WDR72: variants seen among roughly 807,000 people sequenced by gnomAD.
WDR72 encodes the protein WD repeat-containing protein 72.
WDR72 carries 120 observed loss-of-function variants against 124.2 expected under a neutral mutation model. The observed-to-expected ratio is 0.97, with a 90% CI of 0.83 to 1.12. The LOEUF is 1.12. Ranked by LOEUF, WDR72 falls within the 50% of genes most tolerant of loss-of-function variation. The probability of loss-of-function intolerance (pLI) is 0.00; values close to 1 mark genes in which losing one functional copy is unlikely to be tolerated. For synonymous variants in WDR72, 452 were observed against 441.7 expected (o/e 1.02, Z -0.29); for missense variants, 1,387 against 1,278.8 (o/e 1.08, Z -1.29).
In WDR72 at chr15:53,517,341, A is replaced by G; in HGVS notation, c.*358T>C. The stretch of plus-strand genomic sequence containing the variant: ...TACATTGGTTTTAACATTGTTTATT[A>G]TATAATTCAGGGACTAAAAGGATAG... On this transcript the variant is annotated 3_prime_UTR_variant, in exon 20 of 20. Transcript: ENST00000360509. 1 of 284,302 alleles carries G rather than the reference A, an allele frequency of 3.5e-6. No individual in the cohort carries two copies. The highest frequency in any genetic ancestry group is 3.9e-5 in the South Asian group (1 of 25,540). The allele number at this position is 284,302 out of a possible 1,614,324, so 17.6% of individuals were successfully genotyped here. A position where few individuals can be genotyped will look rare whatever the true frequency, so the allele number is the denominator to read the frequency against.
chr15:53,671,106 T>G (rs987272249), intron 13 of WDR72, among the ~76,000 whole-genome samples: 1 of 152,234 alleles, frequency 6.6e-6, no homozygotes. Flanking sequence ...ATAGATTATA[T>G]GACATCAACA....
chr15:53,589,773 T>C (rs541059236), intron 18 of WDR72, among the ~76,000 whole-genome samples: 7 of 152,156 alleles, frequency 4.6e-5, no homozygotes, highest in African/African-American at 1.4e-4. Flanking sequence ...AAAAAGATGA[T>C]GAAATATTCC....
At chr15:53,535,175 A>C (rs1892696237) in intron 18 of WDR72, among the ~76,000 whole-genome samples, 1 of 152,190 alleles carries the variant, frequency 6.6e-6, no homozygotes, top group South Asian at 2.1e-4. Flanking sequence ...ACATAATAGA[A>C]CCATTTACAC....
At chr15:53,534,579 A>T (rs1462188818) in intron 18 of WDR72, among the ~76,000 whole-genome samples, 1 of 152,146 alleles carries the variant, frequency 6.6e-6, no homozygotes, top group East Asian at 1.9e-4. Context: ...GTTCAAGGAA[A>T]GGGTCACTCA....
chr15:53,548,114 A>G (rs12911064), intron 18 of WDR72, among the ~76,000 whole-genome samples: 73,828 of 152,018 alleles, frequency 0.49, 19,191 homozygotes, highest in Middle Eastern at 0.62. Context: ...TATAAAATCT[A>G]TCATAAAGTG....
chr15:53,667,198 C>T (rs936455331), intron 13 of WDR72, among the ~76,000 whole-genome samples: 2 of 151,830 alleles, frequency 1.3e-5, no homozygotes, highest in African/African-American at 4.8e-5. Flanking sequence ...CAAAAAAACA[C>T]AAAAATTAGC....
chr15:53,693,787 T>C (rs922574270), intron 13 of WDR72, among the ~76,000 whole-genome samples: 2 of 152,194 alleles, frequency 1.3e-5, no homozygotes, highest in African/African-American at 2.4e-5. Context: ...CTTCCTTACT[T>C]CCTTAATTTC....
intron 18 of WDR72, among the ~76,000 whole-genome samples, chr15:53,595,640 C>T (rs913939215): frequency 3.9e-5 from 6 of 152,118 alleles, no homozygotes; most frequent in African/African-American, 7.2e-5. Flanking sequence ...GTAACACTAG[C>T]TGACTTGGGA....
chr15:53,597,736 T>C (rs1333662764), intron 17 of WDR72, among the ~76,000 whole-genome samples: 1 of 152,156 alleles, frequency 6.6e-6, no homozygotes, highest in Non-Finnish European at 1.5e-5. Flanking sequence ...AAGAAATGAC[T>C]TCAATAATAA....
chr15:53,762,754 C>G (rs1467984656), upstream of WDR72: 1 of 152,214 alleles, frequency 6.6e-6, no homozygotes, highest in Non-Finnish European at 1.5e-5. Flanking sequence ...GCTTAGTGGT[C>G]TTAGAGACCC....
intron 16 of WDR72, among the ~76,000 whole-genome samples, chr15:53,610,069 C>T (rs1047796437): frequency 6.6e-6 from 1 of 152,032 alleles, no homozygotes; most frequent in Non-Finnish European, 1.5e-5. Context: ...TCAAAGACTT[C>T]CTTTGATTTG....
Position 53,517,340 on chromosome 15 carries a change from TA to T in WDR72, c.*358del, listed in dbSNP as rs1891520207. 1 of 279,640 alleles carries T rather than the reference TA, an allele frequency of 3.6e-6. No individual in the cohort carries two copies. The highest frequency in any genetic ancestry group is 7.0e-6 in the Non-Finnish European group (1 of 143,518). 17.3% of individuals were successfully genotyped at this position (279,640 alleles called of 1,614,324 possible). ...CTACATTGGTTTTAACATTGTTTAT[TA>T]TATAATTCAGGGACTAAAAGGATAG... On this transcript the variant is annotated 3_prime_UTR_variant, in exon 20 of 20. Transcript: ENST00000360509.
intron 14 of WDR72, among the ~76,000 whole-genome samples, chr15:53,650,490 G>A (rs971401298): frequency 2.0e-5 from 3 of 152,000 alleles, no homozygotes; most frequent in Non-Finnish European, 4.4e-5. Flanking sequence ...TTTTCTTCAG[G>A]GGTACAAGTC....
chr15:53,737,715 T>C (rs2018397244), intron 1 of WDR72, among the ~76,000 whole-genome samples: 1 of 152,182 alleles, frequency 6.6e-6, no homozygotes, highest in African/African-American at 2.4e-5. Flanking sequence ...GGAGAGATTT[T>C]ACATGTTTCA....
intron 7 of WDR72, 97 bp from the exon 8 acceptor site, chr15:53,711,578 A>T (rs2017541030): frequency 1.1e-5 from 14 of 1,280,354 alleles, no homozygotes; most frequent in South Asian, 8.6e-5. Flanking sequence ...ACAACATAGT[A>T]AGCGTTAATA....
intron 14 of WDR72, among the ~76,000 whole-genome samples, chr15:53,634,714 C>T (rs1595809171): frequency 6.6e-6 from 1 of 152,280 alleles, no homozygotes; most frequent in South Asian, 2.1e-4. Context: ...ACTGCTCTTC[C>T]CTTACCCTGG....
intron 13 of WDR72, among the ~76,000 whole-genome samples, chr15:53,674,135 G>A (rs569161260): frequency 2.0e-5 from 3 of 152,206 alleles, no homozygotes; most frequent in African/African-American, 4.8e-5. Flanking sequence ...TTTCCATATT[G>A]GGTAGGCATT....
chr15:53,640,751 T>G (rs946675138), intron 14 of WDR72, among the ~76,000 whole-genome samples: 9 of 152,130 alleles, frequency 5.9e-5, no homozygotes, highest in African/African-American at 2.2e-4. Context: ...ATAGGAAATG[T>G]GCATTGTGGG....
At chr15:53,716,504 G>A in intron 4 of WDR72, 103 bp downstream of exon 4, 3 of 850,538 alleles carry the variant, frequency 3.5e-6, no homozygotes, top group Admixed American at 3.6e-5. Context: ...AAAAATTCAA[G>A]CAAAGAATAT....
Sources: gnomAD v4.1 joint callset for allele counts (sites outside exome capture counted in the v4.1 genomes callset) on GRCh38, gnomAD v4.1.1 for gene constraint, MANE v1.5 for transcripts, NCBI Gene and HGNC (gene_info 2026-07-23, HGNC 2026-07-21) for gene names.